The following KAZN variants were observed in gnomAD, a reference collection of about 807,000 sequenced individuals.
KAZN encodes kazrin, periplakin interacting protein, also known as kazrin.
In KAZN, 40 loss-of-function variants were observed where a neutral mutation model predicts 87.4. That is an observed-to-expected ratio of 0.46 (90% CI 0.36 to 0.60). The LOEUF (loss-of-function observed/expected upper bound fraction) is 0.60, where lower values mean the gene tolerates loss of function less well. Ranked by LOEUF, KAZN falls within the 20% of genes least tolerant of loss-of-function variation. The pLI is 0.00. For synonymous variants in KAZN, 466 were observed against 458.3 expected (o/e 1.02, Z -0.22); for missense variants, 898 against 1,073.9 (o/e 0.84, Z 2.29).
intron 1 of KAZN, among the ~76,000 whole-genome samples, chr1:14,075,967 A>G (rs1185135999): frequency 6.6e-6 from 1 of 152,162 alleles, no homozygotes; most frequent in African/African-American, 2.4e-5. Flanking sequence ...AGATGAGGTC[A>G]TTAGGGTGGG....
intron 2 of KAZN, among the ~76,000 whole-genome samples, chr1:14,416,351 C>T (rs1044706618): frequency 7.9e-5 from 12 of 152,176 alleles, no homozygotes; most frequent in Admixed American, 5.9e-4. Flanking sequence ...TAGAGAGTGA[C>T]TTCTTGATAC....
chr1:14,439,186 T>C (rs1489355456), intron 2 of KAZN, among the ~76,000 whole-genome samples: 2 of 152,232 alleles, frequency 1.3e-5, no homozygotes, highest in African/African-American at 4.8e-5. Context: ...TCTCAGAAGA[T>C]GCTGACCACA....
At chr1:13,960,693 C>A (rs1035826056) in intron 1 of KAZN, among the ~76,000 whole-genome samples, 6 of 152,192 alleles carry the variant, frequency 3.9e-5, no homozygotes, top group Admixed American at 6.5e-5. Context: ...CCTACTTGGG[C>A]TAGTGTCTCC....
At chr1:14,578,563 C>G (rs555809034) in intron 2 of KAZN, among the ~76,000 whole-genome samples, 1 of 152,128 alleles carries the variant, frequency 6.6e-6, no homozygotes, top group African/African-American at 2.4e-5. Flanking sequence ...CTTTTAGATT[C>G]TGGGTGATTA....
At chr1:14,912,444 C>T (rs753311398) in intron 1 of KAZN, among the ~76,000 whole-genome samples, 3 of 152,122 alleles carry the variant, frequency 2.0e-5, no homozygotes, top group East Asian at 1.9e-4. Context: ...TGAGAGGATA[C>T]GCTGTCACCA....
At chr1:14,917,939 C>T (rs1227990295) in intron 1 of KAZN, among the ~76,000 whole-genome samples, 5 of 151,800 alleles carry the variant, frequency 3.3e-5, no homozygotes, top group East Asian at 1.9e-4. Flanking sequence ...AGTGCAGTGG[C>T]GCGATCTCAG....
intron 1 of KAZN, among the ~76,000 whole-genome samples, chr1:14,830,673 G>T (rs916485951): frequency 5.3e-5 from 8 of 152,080 alleles, no homozygotes; most frequent in Admixed American, 1.3e-4. Context: ...GAGAGTGAAG[G>T]GGGAGTGCTA....
chr1:14,691,225 A>G (rs766940294), intron 1 of KAZN, among the ~76,000 whole-genome samples: 10 of 152,128 alleles, frequency 6.6e-5, no homozygotes, highest in Non-Finnish European at 1.5e-4. Flanking sequence ...TTTGCATCTT[A>G]TATTTAGGTG....
intron 1 of KAZN, among the ~76,000 whole-genome samples, chr1:14,607,331 AT>A (rs1372209228): frequency 6.6e-6 from 1 of 152,232 alleles, no homozygotes; most frequent in African/African-American, 2.4e-5. Context: ...CAAAGGTCAC[AT>A]GACTTGCCCA....
intron 2 of KAZN, among the ~76,000 whole-genome samples, chr1:14,424,411 A>T (rs953585113): frequency 1.3e-5 from 2 of 152,148 alleles, no homozygotes; most frequent in African/African-American, 4.8e-5. Flanking sequence ...ATAAGCCCAG[A>T]TCTGATGCCA....
chr1:14,511,008 G>A (rs1670871522), intron 2 of KAZN, among the ~76,000 whole-genome samples: 1 of 151,910 alleles, frequency 6.6e-6, no homozygotes, highest in African/African-American at 2.4e-5. Flanking sequence ...ATTAATCTTG[G>A]TGGCCATTGG....
chr1:14,245,769 A>G (rs903399696), intron 2 of KAZN, among the ~76,000 whole-genome samples: 4 of 152,136 alleles, frequency 2.6e-5, no homozygotes, highest in African/African-American at 9.7e-5. Context: ...ATTCATTGCT[A>G]AGTTGATAGA....
intron 2 of KAZN, among the ~76,000 whole-genome samples, chr1:14,349,925 A>G (rs907506814): frequency 3.3e-5 from 5 of 152,060 alleles, no homozygotes; most frequent in African/African-American, 1.2e-4. Flanking sequence ...TCACGAGTTC[A>G]GGAGATCGAG....
chr1:14,903,811 C>T (rs947739144), intron 1 of KAZN, among the ~76,000 whole-genome samples: 1 of 152,184 alleles, frequency 6.6e-6, no homozygotes, highest in African/African-American at 2.4e-5. Flanking sequence ...GTATTGAATG[C>T]TAACTCTGGC....
chr1:14,586,713 T>C (rs1167555743), intron 2 of KAZN, among the ~76,000 whole-genome samples: 2 of 142,878 alleles, frequency 1.4e-5, no homozygotes, highest in African/African-American at 5.2e-5. Context: ...GTTTTTTTTT[T>C]ACTTTTTGTT....
intron 1 of KAZN, among the ~76,000 whole-genome samples, chr1:14,683,028 C>T (rs978145027): frequency 3.9e-5 from 6 of 152,244 alleles, no homozygotes; most frequent in Middle Eastern, 3.4e-3. Context: ...TGTTTTAAAG[C>T]CTTATTTGTC....
At chr1:14,594,991 A>G (rs1676401419), upstream of KAZN, among the ~76,000 whole-genome samples, 1 of 152,082 alleles carries the variant, frequency 6.6e-6, no homozygotes, top group South Asian at 2.1e-4. Context: ...CTAAAAATAC[A>G]AAAATTAGCC....
intron 2 of KAZN, among the ~76,000 whole-genome samples, chr1:14,561,748 A>G (rs896826420): frequency 2.0e-5 from 3 of 152,080 alleles, no homozygotes; most frequent in Non-Finnish European, 4.4e-5. Context: ...TACTAAAAAT[A>G]CAAAAATTAG....
intron 2 of KAZN, among the ~76,000 whole-genome samples, chr1:14,346,628 G>C (rs988774876): frequency 6.6e-6 from 1 of 152,096 alleles, no homozygotes; most frequent in African/African-American, 2.4e-5. Flanking sequence ...GCTCAGATCA[G>C]AGCAGGGTAC....
Sources: gnomAD v4.1 joint callset for allele counts (sites outside exome capture counted in the v4.1 genomes callset) on GRCh38, gnomAD v4.1.1 for gene constraint, MANE v1.5 for transcripts, NCBI Gene and HGNC (gene_info 2026-07-23, HGNC 2026-07-21) for gene names.